Variants in BNC2 observed in about 807,000 individuals in gnomAD.
BNC2 encodes zinc finger protein basonuclin-2.
BNC2 carries 20 observed loss-of-function variants against 76.3 expected under a neutral mutation model. The ratio of observed to expected loss-of-function variants is 0.26; its 90% CI spans 0.18 to 0.38. The LOEUF is 0.38. BNC2 is among the 10% of genes least tolerant of loss of function. BNC2 has a pLI of 1.00. For missense variants in BNC2, 1,382 were observed against 1,399.8 expected (o/e 0.99, Z 0.20); for synonymous variants, 582 against 514.8 (o/e 1.13, Z -1.77).
At chr9:16,469,483 C>A (rs918871670) in intron 5 of BNC2, among the ~76,000 whole-genome samples, 2 of 152,212 alleles carry the variant, frequency 1.3e-5, no homozygotes, top group Non-Finnish European at 2.9e-5. Flanking sequence ...GATTCTGAGG[C>A]CTCCTTAGCC....
Position 16,432,138 on chromosome 9 carries a change from GCT to G in BNC2, c.2639+3415_2639+3416del, listed in dbSNP as rs201692148. 3.8e-3 allele frequency among the ~76,000 whole-genome samples: 579 copies of G among 152,308 alleles called. 6 individuals carry two copies. Among genetic ancestry groups the G allele is most frequent in the African/African-American group, 0.013 (553 of 41,564 alleles). On this transcript the variant is annotated intron_variant, in intron 6 of 6. Coordinates refer to ENST00000380672, the MANE Select transcript of BNC2 (RefSeq NM_017637.6). Reference sequence around the variant, plus strand: ...AATCAGATTTTGTGTGTATTAGCTTGCTCTTTGTCAGTGTGGAATGGTCCTCT... The same window carrying G: ...AATCAGATTTTGTGTGTATTAGCTTGCTTTGTCAGTGTGGAATGGTCCTCT...
chr9:16,665,425 AAAGG>A (rs1822249545), intron 3 of BNC2, among the ~76,000 whole-genome samples: 9 of 141,128 alleles, frequency 6.4e-5, no homozygotes, highest in Admixed American at 2.9e-4. Flanking sequence ...GAAAGGAAAG[AAAGG>A]AAAGAAAAGA....
chr9:16,503,286 C>G lies in BNC2; in HGVS notation c.669+49244G>C, dbSNP rs557378943. Reference sequence around the variant, plus strand: ...CCAAGAACGAGGATATTTTGAGGGTCAAAAAACAAAGCAGAATATCATTCT... The same window carrying G: ...CCAAGAACGAGGATATTTTGAGGGTGAAAAAACAAAGCAGAATATCATTCT... On this transcript the variant is annotated intron_variant, in intron 5 of 6. Coordinates refer to ENST00000380672, the MANE Select transcript of BNC2 (RefSeq NM_017637.6). Among the ~76,000 whole-genome samples the G allele has an allele frequency of 2.2e-4, 34 of 152,186 alleles. No individual in the cohort carries two copies. The South Asian group carries it at 2.5e-3, about 11-fold the overall frequency.
chr9:16,846,123 G>C (rs1219284841), intron 1 of BNC2, among the ~76,000 whole-genome samples: 1 of 142,678 alleles, frequency 7.0e-6, no homozygotes, highest in African/African-American at 2.7e-5. Context: ...GTGGGAGACA[G>C]AGCGAGACAC....
intron 1 of BNC2, among the ~76,000 whole-genome samples, chr9:16,824,995 C>T (rs909372215): frequency 1.3e-5 from 2 of 152,000 alleles, no homozygotes; most frequent in Admixed American, 6.6e-5. Context: ...TAGCAGATCA[C>T]ACCCCAGATG....
intron 3 of BNC2, among the ~76,000 whole-genome samples, chr9:16,672,930 G>A (rs937772804): frequency 6.6e-6 from 1 of 152,166 alleles, no homozygotes; most frequent in Non-Finnish European, 1.5e-5. Flanking sequence ...AAGGAATAGA[G>A]ACAAGGAAAG....
intron 3 of BNC2, among the ~76,000 whole-genome samples, chr9:16,664,729 CAAAA>C (rs574071621): frequency 6.7e-5 from 10 of 148,882 alleles, no homozygotes; most frequent in Non-Finnish European, 1.5e-5. Flanking sequence ...AAAACAAAAA[CAAAA>C]AAAAACAGGG....
rs551792807 is a variant in BNC2 at position 16,615,995 on chromosome 9, T to C, written c.331-32910A>G. Among the ~76,000 whole-genome samples the C allele has an allele frequency of 2.6e-5, 4 of 152,308 alleles. No individual in the cohort carries two copies. The East Asian group carries it at 7.7e-4, about 29-fold the overall frequency. On this transcript the variant is annotated intron_variant, in intron 3 of 6. Transcript: ENST00000380672. ...TTCAAAACCAAGTCTGAGAGCTCAA[T>C]GGTCACATTTGTTCAATTCCATTAC... is the stretch of plus-strand genomic sequence containing the variant.
intron 1 of BNC2, among the ~76,000 whole-genome samples, chr9:16,789,977 G>C (rs148505533): frequency 9.3e-4 from 142 of 152,290 alleles, no homozygotes; most frequent in African/African-American, 3.3e-3. Context: ...TACCACAAAA[G>C]TGATCATGCG....
At chr9:16,840,754 T>C (rs1291950550) in intron 1 of BNC2, among the ~76,000 whole-genome samples, 2 of 152,194 alleles carry the variant, frequency 1.3e-5, no homozygotes, top group African/African-American at 2.4e-5. Flanking sequence ...CAAATAAACA[T>C]TTCAATCATA....
At chr9:16,790,839 G>A (rs1393006875) in intron 1 of BNC2, among the ~76,000 whole-genome samples, 19 of 79,344 alleles carry the variant, frequency 2.4e-4, no homozygotes, top group South Asian at 3.9e-4. Context: ...TTTTTTTTAA[G>A]AATGCTGTTT....
intron 3 of BNC2, among the ~76,000 whole-genome samples, chr9:16,715,389 T>C (rs1823970623): frequency 6.6e-6 from 1 of 152,226 alleles, no homozygotes; most frequent in Non-Finnish European, 1.5e-5. Flanking sequence ...AAATGAAGAA[T>C]TTGGTTGATC....
At chr9:16,765,455 C>A (rs1469844036) in intron 1 of BNC2, among the ~76,000 whole-genome samples, 17 of 152,116 alleles carry the variant, frequency 1.1e-4, no homozygotes, top group Non-Finnish European at 2.9e-5. Context: ...ATTATTAAAT[C>A]TGTTATTATT....
chr9:16,498,186 CCATCATATAT>C (rs1822438234), intron 5 of BNC2, among the ~76,000 whole-genome samples: 1 of 119,462 alleles, frequency 8.4e-6, no homozygotes, highest in Non-Finnish European at 1.6e-5. Context: ...TATATATATT[CCATCATATAT>C]ATATTCCATC....
At chr9:16,432,140 T>C (rs1309894129) in intron 6 of BNC2, among the ~76,000 whole-genome samples, 3 of 151,114 alleles carry the variant, frequency 2.0e-5, no homozygotes, top group Non-Finnish European at 4.4e-5. Context: ...ATTAGCTTGC[T>C]CTTTGTCAGT....
chr9:16,420,660 C>T (rs1820691268), intron 6 of BNC2, among the ~76,000 whole-genome samples: 1 of 151,420 alleles, frequency 6.6e-6, no homozygotes, highest in Non-Finnish European at 1.5e-5. Flanking sequence ...CAGTGCTTTG[C>T]TTGTATGTAT....
At chr9:16,705,848 C>T (rs1325754985) in intron 3 of BNC2, among the ~76,000 whole-genome samples, 1 of 152,108 alleles carries the variant, frequency 6.6e-6, no homozygotes, top group Non-Finnish European at 1.5e-5. Flanking sequence ...CCTATTTCTC[C>T]AGAGAAGTTG....
intron 5 of BNC2, among the ~76,000 whole-genome samples, chr9:16,484,052 G>A (rs1264780282): frequency 6.6e-6 from 1 of 152,198 alleles, no homozygotes; most frequent in African/African-American, 2.4e-5. Flanking sequence ...AGGAGAAAGT[G>A]GTTGTGATTA....
chr9:16,582,900 C>CACACACACACACACACAA, intron 4 of BNC2, 83 bp downstream of exon 4: 1 of 829,992 alleles, frequency 1.2e-6, no homozygotes, highest in African/African-American at 1.7e-5. Flanking sequence ...CAGACACACA[C>CACACACACACACACACAA]ACACACACAC....
Sources: allele counts gnomAD v4.1 joint callset (sites outside exome capture counted in the v4.1 genomes callset), GRCh38; gene constraint gnomAD v4.1.1; transcripts MANE v1.5; gene names NCBI Gene and HGNC (gene_info 2026-07-23, HGNC 2026-07-21).